The following SSBP2 variants were observed in gnomAD, a reference collection of about 807,000 sequenced individuals.
SSBP2 encodes single stranded DNA binding protein 2, also known as single-stranded DNA-binding protein 2.
A neutral mutation model predicts 61.8 loss-of-function variants in SSBP2; 17 were observed. That is an observed-to-expected ratio of 0.28 (90% CI 0.19 to 0.41). The LOEUF is 0.41. Among genes scored for constraint, SSBP2 ranks in the 10% least tolerant of loss-of-function variants. The probability of loss-of-function intolerance (pLI) is 1.00; values close to 1 mark genes in which losing one functional copy is unlikely to be tolerated. For synonymous variants in SSBP2, 139 were observed against 141.3 expected, an observed-to-expected ratio of 0.98 and a Z score of 0.12; for missense variants, 310 against 458.7, an observed-to-expected ratio of 0.68 and a Z score of 2.96.
At chr5:81,581,464 A>G (rs1174014114) in intron 4 of SSBP2, among the ~76,000 whole-genome samples, 1 of 152,216 alleles carries the variant, frequency 6.6e-6, no homozygotes, top group East Asian at 1.9e-4. Flanking sequence ...GCCAAGAGGA[A>G]AGATCCAGTA....
intron 8 of SSBP2, among the ~76,000 whole-genome samples, chr5:81,470,001 C>T (rs1285401822): frequency 6.6e-6 from 1 of 151,852 alleles, no homozygotes; most frequent in African/African-American, 2.4e-5. Context: ...GAAAGTTCTT[C>T]CCTGTACTGA....
intron 1 of SSBP2, among the ~76,000 whole-genome samples, chr5:81,726,149 CAA>C (rs777028196): frequency 6.6e-6 from 1 of 151,956 alleles, no homozygotes; most frequent in Non-Finnish European, 1.5e-5. Context: ...TTAAATAAAA[CAA>C]GAGAGGAGTC....
chr5:81,510,015 G>A (rs920501771), intron 5 of SSBP2, among the ~76,000 whole-genome samples: 4 of 152,132 alleles, frequency 2.6e-5, no homozygotes, highest in East Asian at 1.9e-4. Context: ...TCTGTAATGG[G>A]TTCTTCTTTT....
chr5:81,569,356 G>C (rs1247977758), intron 4 of SSBP2, among the ~76,000 whole-genome samples: 2 of 151,978 alleles, frequency 1.3e-5, no homozygotes, highest in Admixed American at 6.6e-5. Context: ...GGTTATCCTT[G>C]GGTTAATGAA....
chr5:81,449,929 A>AT (rs1763658092), intron 10 of SSBP2, among the ~76,000 whole-genome samples: 1 of 152,090 alleles, frequency 6.6e-6, no homozygotes, highest in Non-Finnish European at 1.5e-5. Context: ...GAGTACTGAG[A>AT]TTTTTTTATG....
In SSBP2 at chr5:81,488,049, AT is replaced by A. The variant is rs1561459451; in HGVS notation, c.432+1200del. On this transcript the variant is annotated intron_variant, in intron 6 of 16. Coordinates refer to ENST00000320672, the MANE Select transcript of SSBP2 (RefSeq NM_012446.5). ...TATATATATATATATATATATATAT[AT>A]ATATATATAAATAAAATATCATATA... 1.4e-4 allele frequency among the ~76,000 whole-genome samples: 7 copies of A among 50,530 alleles called. 1 individual carries two copies. Among genetic ancestry groups the A allele is most frequent in the African/African-American group, 2.6e-4 (2 of 7,746 alleles). 33.1% of individuals were successfully genotyped at this position (50,530 alleles called of 152,430 possible).
In SSBP2 at chr5:81,495,350, T is replaced by C. The variant is rs149443485; in HGVS notation, c.373-6041A>G. On this transcript the variant is annotated intron_variant, in intron 5 of 16. Coordinates refer to ENST00000320672, the MANE Select transcript of SSBP2 (RefSeq NM_012446.5). ...TGCTCAAATGTTAATTTTGTTAATA[T>C]TTTCTAACATTGTCAATAGAATCTA... Among the ~76,000 whole-genome samples, 718 of 152,322 alleles carry C rather than the reference T, an allele frequency of 4.7e-3. 1 individual carries two copies. The highest frequency in any genetic ancestry group is 0.014 in the Middle Eastern group (4 of 294).
chr5:81,724,717 G>A (rs768311233), intron 1 of SSBP2, among the ~76,000 whole-genome samples: 8 of 151,944 alleles, frequency 5.3e-5, no homozygotes, highest in African/African-American at 1.2e-4. Flanking sequence ...ATGTAATATC[G>A]GGTTAGAAGA....
At position 81,516,522 on chromosome 5, in the gene SSBP2, G is replaced by A. The variant is rs1400512682; in HGVS notation, c.283-2805C>T. Among the ~76,000 whole-genome samples the A allele has an allele frequency of 2.0e-5, 3 of 151,958 alleles. No individual in the cohort carries two copies. The East Asian group carries it at 5.8e-4, about 29-fold the overall frequency. On this transcript the variant is annotated intron_variant, in intron 4 of 16. Transcript: ENST00000320672. ...AGCATTTCAGCCCAAACTTCACTTT[G>A]TGGACCACACTTTTTAGCTAAATTA... is the stretch of plus-strand genomic sequence containing the variant.
In SSBP2 at chr5:81,632,271, C is replaced by G. The variant is rs140659392; in HGVS notation, c.197+4286G>C. Among the ~76,000 whole-genome samples, 15 of 152,204 alleles carry G rather than the reference C, an allele frequency of 9.9e-5. 1 individual carries two copies. In the East Asian group the frequency reaches 2.9e-3, roughly 29 times the overall value. The stretch of plus-strand genomic sequence containing the variant: ...AACGCTTCCTTTTATTTGCACATTC[C>G]CTAAACTTTTCTTTCGTTTCTATTC... On this transcript the variant is annotated intron_variant, in intron 3 of 16. Transcript: ENST00000320672.
At chr5:81,577,373 G>A (rs964028963) in intron 4 of SSBP2, among the ~76,000 whole-genome samples, 5 of 151,950 alleles carry the variant, frequency 3.3e-5, no homozygotes, top group Admixed American at 1.3e-4. Flanking sequence ...ATGAAACAGT[G>A]TAAACTTGTA....
chr5:81,729,387 G>C (rs1314935687), intron 1 of SSBP2, among the ~76,000 whole-genome samples: 1 of 152,126 alleles, frequency 6.6e-6, no homozygotes, highest in Non-Finnish European at 1.5e-5. Context: ...AATCCCCTTT[G>C]CAGCAATTAG....
intron 1 of SSBP2, among the ~76,000 whole-genome samples, chr5:81,684,956 G>A (rs1752663734): frequency 2.0e-5 from 3 of 152,184 alleles, no homozygotes; most frequent in Admixed American, 6.5e-5. Context: ...AAATCTCATG[G>A]GGAATTGGAG....
chr5:81,429,994 A>AT (rs2153911268), intron 15 of SSBP2, among the ~76,000 whole-genome samples: 1 of 152,260 alleles, frequency 6.6e-6, no homozygotes, highest in Admixed American at 6.5e-5. Flanking sequence ...TTTTTGACAA[A>AT]TTTTTCTCTG....
chr5:81,420,484 TGAG>T lies in SSBP2; in HGVS notation c.*17_*19del, dbSNP rs1242551940. On this transcript the variant is annotated 3_prime_UTR_variant, in exon 17 of 17. Coordinates refer to ENST00000320672, the MANE Select transcript of SSBP2 (RefSeq NM_012446.5). The stretch of plus-strand genomic sequence containing the variant: ...AAGGGCTGACTCACTGTGGTTTTCA[TGAG>T]GAGACTTGGTAATGGATCACACGCT... 6 of 1,612,224 alleles carry T rather than the reference TGAG, an allele frequency of 3.7e-6. No homozygotes were observed. The highest frequency in any genetic ancestry group is 5.1e-6 in the Non-Finnish European group (6 of 1,178,426).
intron 4 of SSBP2, among the ~76,000 whole-genome samples, chr5:81,543,550 T>C (rs574636346): frequency 6.6e-6 from 1 of 152,242 alleles, no homozygotes; most frequent in South Asian, 2.1e-4. Flanking sequence ...CACTATTGGG[T>C]ACTATGCTCA....
chr5:81,650,261 A>T lies in SSBP2; in HGVS notation c.135+6T>A, dbSNP rs746073325. 1.9e-5 allele frequency: 29 copies of T among 1,561,032 alleles called. No homozygotes were observed. Among genetic ancestry groups the T allele is most frequent in the Admixed American group, 7.3e-5 (4 of 54,960 alleles). ...AAATGCAATACAGAAAATATATAAAACATACCTCTGATAAAAATGTTTGAG... is the reference window on the plus strand; with the variant it reads ...AAATGCAATACAGAAAATATATAAATCATACCTCTGATAAAAATGTTTGAG... On this transcript the variant is annotated splice_donor_region_variant and intron_variant, in intron 2 of 16. Coordinates refer to ENST00000320672, the MANE Select transcript of SSBP2 (RefSeq NM_012446.5).
intron 3 of SSBP2, among the ~76,000 whole-genome samples, chr5:81,635,898 T>C (rs897951831): frequency 1.3e-5 from 2 of 152,180 alleles, no homozygotes; most frequent in Middle Eastern, 6.3e-3. Flanking sequence ...TATAACTAGT[T>C]TGACAATCAG....
intron 1 of SSBP2, among the ~76,000 whole-genome samples, chr5:81,749,512 T>C (rs1228403771): frequency 1.3e-5 from 2 of 152,182 alleles, no homozygotes; most frequent in African/African-American, 4.8e-5. Flanking sequence ...GCTATTTCTG[T>C]GCGCAAGGTA....
Sources: allele counts gnomAD v4.1 joint callset (sites outside exome capture counted in the v4.1 genomes callset), GRCh38; gene constraint gnomAD v4.1.1; transcripts MANE v1.5; gene names NCBI Gene and HGNC (gene_info 2026-07-23, HGNC 2026-07-21).